GRIN2A: variants seen among roughly 807,000 people sequenced by gnomAD.
GRIN2A encodes the protein glutamate ionotropic receptor NMDA type subunit 2A, also known as glutamate receptor ionotropic, NMDA 2A.
GRIN2A carries 22 observed loss-of-function variants against 113.4 expected under a neutral mutation model. The ratio of observed to expected loss-of-function variants is 0.19; its 90% CI spans 0.14 to 0.28. The LOEUF is 0.28. Among genes scored for constraint, GRIN2A ranks in the 10% least tolerant of loss-of-function variants. The pLI is 1.00. For missense variants in GRIN2A, 1,502 were observed against 1,887.0 expected, an observed-to-expected ratio of 0.80 and a Z score of 3.78; for synonymous variants, 827 against 738.4, an observed-to-expected ratio of 1.12 and a Z score of -1.94.
chr16:10,036,152 A>T (rs1242657491), intron 2 of GRIN2A, among the ~76,000 whole-genome samples: 2 of 152,218 alleles, frequency 1.3e-5, no homozygotes, highest in East Asian at 3.8e-4. Flanking sequence ...TCTGAAATTC[A>T]CCAGGACTTC....
At position 10,137,128 on chromosome 16, in the gene GRIN2A, CCTGCTT is replaced by C. The variant is rs2049211519; in HGVS notation, c.414+42864_414+42869del. On this transcript the variant is annotated intron_variant, in intron 2 of 12. Coordinates refer to ENST00000330684, the MANE Select transcript of GRIN2A (RefSeq NM_001134407.3). ...TCACTCCCCCTGCAGGTGGGCTAAA[CCTGCTT>C]CCAAAGCCAGAAAAGACAGAGTCGG... Among the ~76,000 whole-genome samples the C allele has an allele frequency of 2.6e-5, 4 of 152,292 alleles. No homozygotes were observed. In the South Asian group the frequency reaches 8.3e-4, roughly 32 times the overall value.
intron 4 of GRIN2A, among the ~76,000 whole-genome samples, chr16:9,863,395 CA>C (rs1341155308): frequency 7.1e-6 from 1 of 141,420 alleles, no homozygotes; most frequent in Non-Finnish European, 1.6e-5. Flanking sequence ...GGTGGTCTTA[CA>C]GTGTGCTTTT....
intron 3 of GRIN2A, among the ~76,000 whole-genome samples, chr16:9,925,333 C>T (rs544067984): frequency 6.6e-6 from 1 of 152,328 alleles, no homozygotes; most frequent in East Asian, 1.9e-4. Context: ...AACCCTCACT[C>T]CACGTGAGTC....
At chr16:10,003,510 T>C (rs1258738193) in intron 2 of GRIN2A, among the ~76,000 whole-genome samples, 1 of 152,084 alleles carries the variant, frequency 6.6e-6, no homozygotes, top group East Asian at 1.9e-4. Context: ...TTGCATTATT[T>C]TGGATATGGA....
intron 3 of GRIN2A, among the ~76,000 whole-genome samples, chr16:9,915,307 CT>C (rs1252676812): frequency 6.6e-6 from 1 of 152,068 alleles, no homozygotes; most frequent in African/African-American, 2.4e-5. Flanking sequence ...TAAGAATCAA[CT>C]GGTCAAGGAA....
At chr16:9,859,849 C>G (rs934741482) in intron 4 of GRIN2A, among the ~76,000 whole-genome samples, 1 of 152,096 alleles carries the variant, frequency 6.6e-6, no homozygotes, top group African/African-American at 2.4e-5. Context: ...ATCTGGAATT[C>G]ATTTTTGCAT....
intron 10 of GRIN2A, among the ~76,000 whole-genome samples, chr16:9,806,192 T>C (rs1463489728): frequency 3.3e-5 from 5 of 152,242 alleles, no homozygotes; most frequent in African/African-American, 1.2e-4. Flanking sequence ...TATAAATATT[T>C]GCTTCATTGA....
intron 3 of GRIN2A, among the ~76,000 whole-genome samples, chr16:9,936,118 T>C (rs1284934016): frequency 6.6e-6 from 1 of 152,232 alleles, no homozygotes; most frequent in Non-Finnish European, 1.5e-5. Context: ...CCTCAATGAA[T>C]ATGACAATCT....
At chr16:9,823,948 C>G (rs145445617) in intron 9 of GRIN2A, among the ~76,000 whole-genome samples, 10 of 152,312 alleles carry the variant, frequency 6.6e-5, no homozygotes, top group African/African-American at 2.4e-4. Context: ...ATGCAGCAGT[C>G]TCTCCAACTT....
At chr16:10,142,146 C>T (rs1334743461) in intron 2 of GRIN2A, among the ~76,000 whole-genome samples, 1 of 151,986 alleles carries the variant, frequency 6.6e-6, no homozygotes, top group Non-Finnish European at 1.5e-5. Flanking sequence ...CAAAAGAGCA[C>T]GAACCCACAA....
intron 2 of GRIN2A, among the ~76,000 whole-genome samples, chr16:10,176,159 C>T (rs577961237): frequency 6.6e-6 from 1 of 152,094 alleles, no homozygotes; most frequent in South Asian, 2.1e-4. Context: ...GGGCCTGCCA[C>T]CACATCCAGC....
chr16:10,104,927 T>A (rs536085492), intron 2 of GRIN2A, among the ~76,000 whole-genome samples: 1 of 152,144 alleles, frequency 6.6e-6, no homozygotes, highest in Admixed American at 6.5e-5. Context: ...ATATGATAAA[T>A]GATATGACAA....
intron 3 of GRIN2A, among the ~76,000 whole-genome samples, chr16:9,917,203 C>T (rs750108094): frequency 6.6e-5 from 10 of 152,200 alleles, no homozygotes; most frequent in African/African-American, 1.7e-4. Flanking sequence ...CCATCCTTCA[C>T]GTTTTCCATC....
chr16:10,118,402 A>C (rs1420612522), intron 2 of GRIN2A, among the ~76,000 whole-genome samples: 1 of 152,076 alleles, frequency 6.6e-6, no homozygotes, highest in Non-Finnish European at 1.5e-5. Flanking sequence ...TACTTGCGAC[A>C]TCAATGTACT....
intron 2 of GRIN2A, among the ~76,000 whole-genome samples, chr16:9,940,359 TAATTA>T (rs990410206): frequency 6.6e-6 from 1 of 152,216 alleles, no homozygotes; most frequent in Non-Finnish European, 1.5e-5. Flanking sequence ...GAATTTTACC[TAATTA>T]AATTAATTAA....
At chr16:9,929,360 C>T (rs1053101750) in intron 3 of GRIN2A, among the ~76,000 whole-genome samples, 1 of 152,116 alleles carries the variant, frequency 6.6e-6, no homozygotes, top group Non-Finnish European at 1.5e-5. Flanking sequence ...CATTTCTTTC[C>T]TCATTTCTTC....
At chr16:9,828,375 T>G (rs2042426763) in intron 9 of GRIN2A, among the ~76,000 whole-genome samples, 1 of 152,208 alleles carries the variant, frequency 6.6e-6, no homozygotes, top group African/African-American at 2.4e-5. Flanking sequence ...TCAGCTCTCT[T>G]GACAAGATTC....
At chr16:10,035,310 G>C (rs1181180895) in intron 2 of GRIN2A, among the ~76,000 whole-genome samples, 1 of 152,104 alleles carries the variant, frequency 6.6e-6, no homozygotes, top group South Asian at 2.1e-4. Context: ...ACAGATGTGA[G>C]CCACCACTCC....
intron 2 of GRIN2A, among the ~76,000 whole-genome samples, chr16:10,085,239 T>C (rs1431818208): frequency 6.6e-6 from 1 of 151,632 alleles, no homozygotes; most frequent in Admixed American, 6.6e-5. Context: ...GGCTGGGGAG[T>C]GTAGCATCCA....
Sources: allele counts gnomAD v4.1 joint callset (sites outside exome capture counted in the v4.1 genomes callset), GRCh38; gene constraint gnomAD v4.1.1; transcripts MANE v1.5; gene names NCBI Gene and HGNC (gene_info 2026-07-23, HGNC 2026-07-21).